Variants in MTX2 observed in about 807,000 individuals in gnomAD.
MTX2 encodes the protein metaxin-2.
Under a neutral mutation model 42.3 loss-of-function variants are expected in MTX2, and 35 were observed. The ratio of observed to expected loss-of-function variants is 0.83; its 90% CI spans 0.63 to 1.10. The LOEUF (loss-of-function observed/expected upper bound fraction) is 1.10, where lower values mean the gene tolerates loss of function less well. Ranked by LOEUF, MTX2 falls within the 50% of genes least tolerant of loss-of-function variation. The pLI is 0.00. For synonymous variants in MTX2, 119 were observed against 100.9 expected (o/e 1.18, Z -1.08); for missense variants, 307 against 304.1 (o/e 1.01, Z -0.07).
chr2:176,271,834 G>A (rs1692818431), intron 1 of MTX2, among the ~76,000 whole-genome samples: 1 of 152,108 alleles, frequency 6.6e-6, no homozygotes, highest in African/African-American at 2.4e-5. Context: ...TTGTAATAGC[G>A]AAAAACTAGA....
In MTX2 at chr2:176,328,873, G is replaced by T; in HGVS notation, c.379-1G>T. ...TTTAGTGACTGTTCTTTTGTTCCTA[G>T]CTGTATCTTCAGTGGTGTGATGAAG... is the stretch of plus-strand genomic sequence containing the variant. On this transcript the variant is annotated splice_acceptor_variant, in intron 6 of 9. Transcript: ENST00000249442. LOFTEE classifies it high-confidence loss of function. The T allele has an allele frequency of 6.2e-7, 1 of 1,606,492 alleles. No individual in the cohort carries two copies. The highest frequency in any genetic ancestry group is 8.5e-7 in the Non-Finnish European group (1 of 1,174,910).
chr2:176,270,884 G>T (rs183865942), intron 1 of MTX2, among the ~76,000 whole-genome samples: 5 of 151,988 alleles, frequency 3.3e-5, no homozygotes, highest in Admixed American at 3.3e-4. Context: ...GAGATTTCAA[G>T]CAATGATTAT....
At position 176,315,442 on chromosome 2, in the gene MTX2, C is replaced by A. The variant is rs527868897; in HGVS notation, c.136-7950C>A. Among the ~76,000 whole-genome samples the A allele has an allele frequency of 7.9e-5, 12 of 152,312 alleles. 1 individual carries two copies. In the East Asian group the frequency reaches 2.3e-3, roughly 29 times the overall value. ...AGAATCTGACGTATCACTTTCATCA[C>A]TCCCACCCTGGTCCAGGCCACCATC... is the stretch of plus-strand genomic sequence containing the variant. On this transcript the variant is annotated intron_variant, in intron 3 of 9. Transcript: ENST00000249442.
intron 3 of MTX2, among the ~76,000 whole-genome samples, chr2:176,302,980 TTGAG>T (rs1684062098): frequency 6.6e-6 from 1 of 152,060 alleles, no homozygotes; most frequent in East Asian, 1.9e-4. Flanking sequence ...AGACAAAACT[TTGAG>T]TGTGAAAATA....
chr2:176,270,827 A>G (rs1692788859), intron 1 of MTX2, among the ~76,000 whole-genome samples: 1 of 152,178 alleles, frequency 6.6e-6, no homozygotes, highest in African/African-American at 2.4e-5. Context: ...ATCCATAGTC[A>G]GTTGGTGCTC....
intron 3 of MTX2, among the ~76,000 whole-genome samples, chr2:176,308,066 A>G (rs1000908260): frequency 4.6e-5 from 7 of 152,124 alleles, no homozygotes; most frequent in African/African-American, 1.7e-4. Context: ...ATTTTGAGAT[A>G]TGTTCCATCA....
intron 3 of MTX2, among the ~76,000 whole-genome samples, chr2:176,310,584 C>G (rs1019864732): frequency 8.5e-5 from 13 of 152,246 alleles, no homozygotes; most frequent in Admixed American, 4.6e-4. Flanking sequence ...TTCTTGGAGG[C>G]TTTGTTTGTT....
chr2:176,288,662 G>A (rs1212767304), intron 1 of MTX2, among the ~76,000 whole-genome samples: 1 of 151,386 alleles, frequency 6.6e-6, no homozygotes, highest in Non-Finnish European at 1.5e-5. Flanking sequence ...TGATAGGTTT[G>A]TGTAGAGTTA....
intron 1 of MTX2, among the ~76,000 whole-genome samples, chr2:176,282,503 A>AT (rs35430133): frequency 6.6e-6 from 1 of 151,568 alleles, no homozygotes; most frequent in Non-Finnish European, 1.5e-5. Flanking sequence ...GCTTTGGATT[A>AT]TTTTTTTGGA....
At chr2:176,331,177 A>C (rs149059320) in intron 9 of MTX2, among the ~76,000 whole-genome samples, 1 of 151,406 alleles carries the variant, frequency 6.6e-6, no homozygotes, top group African/African-American at 2.4e-5. Flanking sequence ...TAAAGGATAT[A>C]GGTTAAATAT....
intron 1 of MTX2, among the ~76,000 whole-genome samples, chr2:176,288,411 G>A (rs1415111942): frequency 6.6e-6 from 1 of 151,906 alleles, no homozygotes; most frequent in African/African-American, 2.4e-5. Flanking sequence ...GTGTCTTGCA[G>A]TAACTTGTCC....
intron 3 of MTX2, among the ~76,000 whole-genome samples, chr2:176,313,696 T>A (rs930748450): frequency 6.6e-6 from 1 of 152,152 alleles, no homozygotes; most frequent in Non-Finnish European, 1.5e-5. Context: ...CCTGGCCTTA[T>A]TGTTCTATAC....
intron 1 of MTX2, among the ~76,000 whole-genome samples, chr2:176,281,877 A>G (rs1028595015): frequency 2.0e-5 from 3 of 152,146 alleles, no homozygotes; most frequent in Non-Finnish European, 2.9e-5. Flanking sequence ...TCGAACATGC[A>G]TGCATATACA....
At chr2:176,323,290 G>A in intron 3 of MTX2, 102 bp from the exon 4 acceptor site, 2 of 940,014 alleles carry the variant, frequency 2.1e-6, no homozygotes, top group Non-Finnish European at 1.7e-6. Flanking sequence ...TTAGAGTTTT[G>A]TAGTATGAAA....
At chr2:176,336,335 G>C (rs1684986528) in intron 9 of MTX2, among the ~76,000 whole-genome samples, 1 of 151,922 alleles carries the variant, frequency 6.6e-6, no homozygotes, top group Non-Finnish European at 1.5e-5. Flanking sequence ...TTTTTATGTT[G>C]AAGCCATCCT....
chr2:176,275,280 C>T (rs1480392197), intron 1 of MTX2, among the ~76,000 whole-genome samples: 1 of 151,578 alleles, frequency 6.6e-6, no homozygotes, highest in Non-Finnish European at 1.5e-5. Flanking sequence ...CTCTTGTCAC[C>T]CAGGCTGGAG....
intron 7 of MTX2, among the ~76,000 whole-genome samples, 182 bp downstream of exon 7, chr2:176,329,094 T>G (rs1253343922): frequency 6.6e-6 from 1 of 151,314 alleles, no homozygotes; most frequent in Non-Finnish European, 1.5e-5. Flanking sequence ...CATTGTTTGA[T>G]ATAACGGGTT....
chr2:176,312,879 A>AG (rs1464714945), intron 3 of MTX2, among the ~76,000 whole-genome samples: 1 of 151,334 alleles, frequency 6.6e-6, no homozygotes, highest in African/African-American at 2.4e-5. Flanking sequence ...AAAAAAAAAA[A>AG]AAAAAGAAAG....
intron 1 of MTX2, 138 bp from the exon 2 acceptor site, chr2:176,296,722 G>A (rs768162228): frequency 7.4e-5 from 57 of 767,138 alleles, no homozygotes; most frequent in Admixed American, 1.2e-4. Flanking sequence ...CTAAGATAGT[G>A]TGATTAGTTG....
Sources: allele counts gnomAD v4.1 joint callset (sites outside exome capture counted in the v4.1 genomes callset), GRCh38; gene constraint gnomAD v4.1.1; transcripts MANE v1.5; gene names NCBI Gene and HGNC (gene_info 2026-07-23, HGNC 2026-07-21).